DCDC2: variants seen among roughly 807,000 people sequenced by gnomAD.
The protein encoded by DCDC2 is doublecortin domain containing 2, also known as doublecortin domain-containing protein 2.
A neutral mutation model predicts 50.2 loss-of-function variants in DCDC2; 40 were observed. The observed-to-expected ratio is 0.80, with a 90% CI of 0.62 to 1.04. The LOEUF (loss-of-function observed/expected upper bound fraction) is 1.04. Among genes scored for constraint, DCDC2 ranks in the 50% least tolerant of loss-of-function variants. DCDC2 has a pLI of 0.00. For synonymous variants in DCDC2, 234 were observed against 210.6 expected (o/e 1.11, Z -0.96); for missense variants, 570 against 581.9 (o/e 0.98, Z 0.21).
chr6:24,258,554 C>G (rs557769140), intron 7 of DCDC2, among the ~76,000 whole-genome samples: 3 of 152,158 alleles, frequency 2.0e-5, no homozygotes, highest in Admixed American at 2.0e-4. Flanking sequence ...AGTCCCCACC[C>G]GACCCAGAAG....
chr6:24,294,269 C>T (rs1324115778), intron 4 of DCDC2, among the ~76,000 whole-genome samples: 2 of 152,002 alleles, frequency 1.3e-5, no homozygotes, highest in African/African-American at 2.4e-5. Flanking sequence ...GTGGGAGGAT[C>T]GCTTGAGCCC....
At chr6:24,293,400 G>A (rs1197090085) in intron 4 of DCDC2, among the ~76,000 whole-genome samples, 1 of 152,128 alleles carries the variant, frequency 6.6e-6, no homozygotes, top group Non-Finnish European at 1.5e-5. Context: ...CCAACCATAA[G>A]ATTTATTAAC....
intron 6 of DCDC2, among the ~76,000 whole-genome samples, chr6:24,286,179 A>G (rs1763605754): frequency 6.6e-6 from 1 of 152,046 alleles, no homozygotes; most frequent in Non-Finnish European, 1.5e-5. Context: ...GGAGCCCCTC[A>G]TCCATTCTCT....
intron 8 of DCDC2, among the ~76,000 whole-genome samples, chr6:24,180,834 T>G (rs1441109675): frequency 2.6e-5 from 4 of 151,974 alleles, no homozygotes; most frequent in Admixed American, 1.3e-4. Context: ...GTTTTGGAAG[T>G]AAGGAAGGAA....
chr6:24,288,918 A>G lies in DCDC2; in HGVS notation c.705-12T>C. ...AAGAAGCTTTCTGACTGTGGAAACA[A>G]ATTGCAATTTAGAAATCTGAATGTT... On this transcript the variant is annotated splice_polypyrimidine_tract_variant and intron_variant, in intron 5 of 9. Coordinates refer to ENST00000378454, the MANE Select transcript of DCDC2 (RefSeq NM_016356.5). 1.9e-6 allele frequency: 3 copies of G among 1,588,432 alleles called. No individual in the cohort carries two copies. The highest frequency in any genetic ancestry group is 2.6e-6 in the Non-Finnish European group (3 of 1,169,992).
Position 24,235,698 on chromosome 6 carries a change from T to C in DCDC2, c.923-30596A>G, listed in dbSNP as rs77861199. Among the ~76,000 whole-genome samples, 1,388 of 152,292 alleles carry C rather than the reference T, an allele frequency of 9.1e-3. 11 individuals carry two copies. The highest frequency in any genetic ancestry group is 0.018 in the African/African-American group (737 of 41,560). The stretch of plus-strand genomic sequence containing the variant: ...ACAAACCCACAAGCCAACATCATGC[T>C]GAACAGACAAAAGCTGGAAGCATTC... On this transcript the variant is annotated intron_variant, in intron 7 of 9. Transcript: ENST00000378454.
intron 7 of DCDC2, among the ~76,000 whole-genome samples, chr6:24,216,897 T>C (rs1761993884): frequency 6.6e-6 from 1 of 152,242 alleles, no homozygotes. Context: ...GTTTGAACCT[T>C]AGCTAAAATA....
the DCDC2 span, among the ~76,000 whole-genome samples, chr6:24,371,565 T>G: frequency 6.6e-6 from 1 of 152,008 alleles, no homozygotes. Context: ...CTGAGACTGC[T>G]ACTGCACTCC....
At chr6:24,190,717 T>A (rs984078412) in intron 8 of DCDC2, among the ~76,000 whole-genome samples, 2 of 152,180 alleles carry the variant, frequency 1.3e-5, no homozygotes, top group Admixed American at 6.5e-5. Flanking sequence ...AATGCATAGA[T>A]AAATTAAGAA....
chr6:24,350,404 C>T (rs1760345629), intron 2 of DCDC2, among the ~76,000 whole-genome samples: 1 of 152,342 alleles, frequency 6.6e-6, no homozygotes, highest in Non-Finnish European at 1.5e-5. Flanking sequence ...GTGCCACACA[C>T]TCTGCATGAC....
At chr6:24,211,097 G>A (rs1561892025) in intron 7 of DCDC2, among the ~76,000 whole-genome samples, 1 of 152,180 alleles carries the variant, frequency 6.6e-6, no homozygotes. Flanking sequence ...GTGTTTGTCA[G>A]TTTCCACCAA....
chr6:24,219,970 G>T (rs564775263), intron 7 of DCDC2, among the ~76,000 whole-genome samples: 3 of 152,312 alleles, frequency 2.0e-5, no homozygotes, highest in South Asian at 4.1e-4. Context: ...AAGAAATAAA[G>T]ATGACCAAGG....
chr6:24,321,186 T>C (rs1759768494), intron 2 of DCDC2, among the ~76,000 whole-genome samples: 1 of 151,860 alleles, frequency 6.6e-6, no homozygotes, highest in African/African-American at 2.4e-5. Context: ...GAATTCCAAT[T>C]AATATGTAGA....
intron 7 of DCDC2, among the ~76,000 whole-genome samples, chr6:24,214,666 G>A (rs1396221580): frequency 6.6e-6 from 1 of 152,170 alleles, no homozygotes; most frequent in Non-Finnish European, 1.5e-5. Context: ...CTGCAAATTA[G>A]TTTTAGTTCA....
At chr6:24,282,175 C>A (rs1167670405) in intron 6 of DCDC2, among the ~76,000 whole-genome samples, 6 of 152,130 alleles carry the variant, frequency 3.9e-5, no homozygotes, top group African/African-American at 1.2e-4. Context: ...AATACCAAAT[C>A]TCTGGCTCAA....
rs1355371986 is a variant in DCDC2, at chr6:24,285,147, AG to A, written c.759+3704del. Among the ~76,000 whole-genome samples the A allele has an allele frequency of 2.0e-5, 3 of 152,122 alleles. No individual in the cohort carries two copies. In the East Asian group the frequency reaches 5.8e-4, roughly 29 times the overall value. On this transcript the variant is annotated intron_variant, in intron 6 of 9. Transcript: ENST00000378454. ...GTGCCTACAGTTCCTGGCACTTAGT[AG>A]GAGCTCAGTGAGTATGTTTGGAATG...
At chr6:24,360,354 C>G (rs1760646458), upstream of DCDC2, among the ~76,000 whole-genome samples, 1 of 152,158 alleles carries the variant, frequency 6.6e-6, no homozygotes, top group Admixed American at 6.5e-5. Context: ...GTGCAAGGCC[C>G]TGTGCTAGTT....
chr6:24,278,448 G>C (rs1763407320), intron 6 of DCDC2, among the ~76,000 whole-genome samples: 1 of 152,146 alleles, frequency 6.6e-6, no homozygotes, highest in African/African-American at 2.4e-5. Context: ...TTCTTAATAT[G>C]TACCAGGTAT....
At chr6:24,319,630 G>C (rs1054789415) in intron 2 of DCDC2, among the ~76,000 whole-genome samples, 1 of 152,134 alleles carries the variant, frequency 6.6e-6, no homozygotes, top group African/African-American at 2.4e-5. Flanking sequence ...AAGTGCCAAA[G>C]ACTATCTACA....
Sources: gnomAD v4.1 joint callset for allele counts (sites outside exome capture counted in the v4.1 genomes callset) on GRCh38, gnomAD v4.1.1 for gene constraint, MANE v1.5 for transcripts, NCBI Gene and HGNC (gene_info 2026-07-23, HGNC 2026-07-21) for gene names.